Variants in HEMK2 observed in about 807,000 individuals in gnomAD.
The protein encoded by HEMK2 is methyltransferase HEMK2.
At chr21:28,722,379 T>C in the HEMK2 span, among the ~76,000 whole-genome samples, 1 of 152,202 alleles carries the variant, frequency 6.6e-6, no homozygotes, top group Non-Finnish European at 1.5e-5. Flanking sequence ...AGGAGTCCGA[T>C]GGAAGAGGCA....
At chr21:28,838,975 ATATATAT>A in the HEMK2 span, among the ~76,000 whole-genome samples, 9 of 30,714 alleles carry the variant, frequency 2.9e-4, no homozygotes, top group Non-Finnish European at 3.1e-4. Context: ...AAAAAAAAAT[ATATATAT>A]ATATATATAT....
the HEMK2 span, among the ~76,000 whole-genome samples, chr21:28,852,021 C>T: frequency 3.3e-5 from 5 of 152,160 alleles, no homozygotes; most frequent in Non-Finnish European, 2.9e-5. Context: ...GTTAAGCTTA[C>T]GATAATCCAC....
At chr21:28,816,271 C>T in the HEMK2 span, among the ~76,000 whole-genome samples, 16 of 151,196 alleles carry the variant, frequency 1.1e-4, no homozygotes, top group African/African-American at 3.4e-4. Flanking sequence ...AGAATATTAA[C>T]TACCAGGAAA....
the HEMK2 span, among the ~76,000 whole-genome samples, chr21:28,863,736 T>C: frequency 1.3e-5 from 2 of 152,158 alleles, no homozygotes; most frequent in East Asian, 1.9e-4. Context: ...TTCTCTGTTT[T>C]TCAGAGTAAG....
chr21:28,629,758 T>C, the HEMK2 span, among the ~76,000 whole-genome samples: 2 of 152,200 alleles, frequency 1.3e-5, no homozygotes, highest in Non-Finnish European at 2.9e-5. Flanking sequence ...AGGTTGTTTA[T>C]CTTTCCATAG....
At chr21:28,789,445 A>T in the HEMK2 span, among the ~76,000 whole-genome samples, 1 of 152,198 alleles carries the variant, frequency 6.6e-6, no homozygotes, top group Admixed American at 6.5e-5. Context: ...CCTAAGGGGC[A>T]TGGGAGAGGG....
At chr21:28,880,117 T>C in the HEMK2 span, among the ~76,000 whole-genome samples, 9 of 152,196 alleles carry the variant, frequency 5.9e-5, no homozygotes, top group African/African-American at 2.2e-4. Flanking sequence ...TTCAGAAAAA[T>C]AATACATGCA....
At chr21:28,651,504 T>C in the HEMK2 span, among the ~76,000 whole-genome samples, 2 of 152,182 alleles carry the variant, frequency 1.3e-5, no homozygotes, top group African/African-American at 4.8e-5. Context: ...CTTCTAAACA[T>C]TGTCACTTGA....
the HEMK2 span, among the ~76,000 whole-genome samples, chr21:28,664,992 T>C: frequency 7.0e-4 from 107 of 152,182 alleles, no homozygotes; most frequent in African/African-American, 2.6e-3. Context: ...TAAAGAGGCT[T>C]ATAGGCCAGG....
the HEMK2 span, among the ~76,000 whole-genome samples, chr21:28,587,307 G>C: frequency 6.6e-6 from 1 of 151,998 alleles, no homozygotes; most frequent in Non-Finnish European, 1.5e-5. Flanking sequence ...GTTGTGGGTT[G>C]TATTAAATTG....
At chr21:28,743,803 T>C in the HEMK2 span, among the ~76,000 whole-genome samples, 1 of 152,208 alleles carries the variant, frequency 6.6e-6, no homozygotes. Context: ...ATCATGCAAA[T>C]GTGTCTGGTA....
At chr21:28,846,611 G>A in the HEMK2 span, among the ~76,000 whole-genome samples, 1 of 150,014 alleles carries the variant, frequency 6.7e-6, no homozygotes, top group Non-Finnish European at 1.5e-5. Context: ...TTTAAGAAGT[G>A]TCCGTTCATG....
chr21:28,583,984 T>C, the HEMK2 span, among the ~76,000 whole-genome samples: 1 of 152,162 alleles, frequency 6.6e-6, no homozygotes, highest in Non-Finnish European at 1.5e-5. Context: ...CAAAAGAAAA[T>C]GTACAGGAGT....
chr21:28,645,404 C>T, the HEMK2 span, among the ~76,000 whole-genome samples: 1 of 152,126 alleles, frequency 6.6e-6, no homozygotes, highest in African/African-American at 2.4e-5. Context: ...TTATAGACTG[C>T]CATACACAAG....
At chr21:28,861,489 A>G in the HEMK2 span, among the ~76,000 whole-genome samples, 11 of 152,212 alleles carry the variant, frequency 7.2e-5, no homozygotes, top group Admixed American at 7.2e-4. Flanking sequence ...CCCTCAATCA[A>G]TTTCCAGACT....
At chr21:28,871,425 A>C in the HEMK2 span, among the ~76,000 whole-genome samples, 8 of 152,294 alleles carry the variant, frequency 5.3e-5, no homozygotes, top group East Asian at 1.5e-3. Flanking sequence ...CACTATCACG[A>C]CAACAGCAAG....
chr21:28,872,267 C>G, the HEMK2 span: 6 of 152,280 alleles, frequency 3.9e-5, no homozygotes, highest in African/African-American at 1.2e-4. Flanking sequence ...GGTTTTACAC[C>G]TCACAAATTG....
the HEMK2 span, among the ~76,000 whole-genome samples, chr21:28,730,656 G>A: frequency 6.6e-6 from 1 of 152,078 alleles, no homozygotes; most frequent in Non-Finnish European, 1.5e-5. Context: ...GTGAGTCCTT[G>A]CTATGTGGAC....
the HEMK2 span, among the ~76,000 whole-genome samples, chr21:28,689,948 T>A: frequency 5.9e-5 from 9 of 152,298 alleles, no homozygotes; most frequent in African/African-American, 2.2e-4. Flanking sequence ...AATAAAGACA[T>A]ACCCAAAACT....
Sources: gnomAD v4.1 joint callset for allele counts (sites outside exome capture counted in the v4.1 genomes callset) on GRCh38, gnomAD v4.1.1 for gene constraint, MANE v1.5 for transcripts, NCBI Gene and HGNC (gene_info 2026-07-23, HGNC 2026-07-21) for gene names.